RAB38: variants seen among roughly 807,000 people sequenced by gnomAD.
The protein encoded by RAB38 is RAB38, member RAS oncogene family, also known as ras-related protein Rab-38.
Under a neutral mutation model 18.4 loss-of-function variants are expected in RAB38, and 15 were observed. The observed-to-expected ratio is 0.82, with a 90% CI of 0.55 to 1.26. The LOEUF is 1.26. Ranked by LOEUF, RAB38 falls within the 50% of genes most tolerant of loss-of-function variation. RAB38 has a pLI of 0.00. For synonymous variants in RAB38, 101 were observed against 104.4 expected (o/e 0.97, Z 0.20); for missense variants, 294 against 267.4 (o/e 1.10, Z -0.69).
the RAB38 span, among the ~76,000 whole-genome samples, chr11:88,015,887 T>C: frequency 6.6e-6 from 1 of 152,156 alleles, no homozygotes; most frequent in Non-Finnish European, 1.5e-5. Context: ...GTTAAGACTT[T>C]AACACTGGCC....
intron 2 of RAB38, among the ~76,000 whole-genome samples, chr11:88,145,371 A>T (rs942154883): frequency 4.6e-5 from 7 of 151,818 alleles, no homozygotes; most frequent in African/African-American, 1.7e-4. Flanking sequence ...CTGGTCTCGA[A>T]CTCCTGACTT....
At chr11:88,128,326 T>C (rs1051843681) in intron 2 of RAB38, among the ~76,000 whole-genome samples, 1 of 152,242 alleles carries the variant, frequency 6.6e-6, no homozygotes, top group Non-Finnish European at 1.5e-5. Flanking sequence ...GTTAAACTTG[T>C]GGGAGAGCTG....
chr11:88,008,352 G>C, the RAB38 span, among the ~76,000 whole-genome samples: 1 of 151,870 alleles, frequency 6.6e-6, no homozygotes, highest in Non-Finnish European at 1.5e-5. Context: ...ATTCCGAGAG[G>C]GGAACAAAAA....
chr11:88,135,574 T>C (rs1942826032), intron 2 of RAB38, among the ~76,000 whole-genome samples: 1 of 152,232 alleles, frequency 6.6e-6, no homozygotes, highest in South Asian at 2.1e-4. Flanking sequence ...GGGTTTCAAC[T>C]ACTGTGGTAA....
chr11:88,012,010 G>A, the RAB38 span, among the ~76,000 whole-genome samples: 2 of 152,128 alleles, frequency 1.3e-5, no homozygotes, highest in African/African-American at 4.8e-5. Context: ...TCCTTAAGTT[G>A]TCTCAAACAG....
At chr11:88,170,356 G>A (rs1943296339) in intron 1 of RAB38, among the ~76,000 whole-genome samples, 1 of 152,174 alleles carries the variant, frequency 6.6e-6, no homozygotes, top group African/African-American at 2.4e-5. Context: ...GCCAAATTTA[G>A]CTCTTTCTAC....
At chr11:88,026,064 A>G in the RAB38 span, among the ~76,000 whole-genome samples, 1 of 152,032 alleles carries the variant, frequency 6.6e-6, no homozygotes. Context: ...TCCTGGGTTC[A>G]AGCTATTCTC....
chr11:88,070,976 G>A, the RAB38 span, among the ~76,000 whole-genome samples: 2 of 152,196 alleles, frequency 1.3e-5, no homozygotes, highest in Admixed American at 1.3e-4. Context: ...TAAAAGCCAA[G>A]CATGGGCTAA....
At chr11:88,088,080 C>T in the RAB38 span, among the ~76,000 whole-genome samples, 1 of 151,826 alleles carries the variant, frequency 6.6e-6, no homozygotes, top group Admixed American at 6.6e-5. Flanking sequence ...TCTAAGGGAC[C>T]AACAGTAGGA....
intron 1 of RAB38, chr11:88,166,634 G>A (rs1439774167): frequency 6.6e-6 from 1 of 151,948 alleles, no homozygotes; most frequent in Non-Finnish European, 1.5e-5. Context: ...TTTTAAAAAA[G>A]ATATAGTTTT....
At chr11:87,833,114 G>T in the RAB38 span, among the ~76,000 whole-genome samples, 1 of 152,066 alleles carries the variant, frequency 6.6e-6, no homozygotes, top group African/African-American at 2.4e-5. Flanking sequence ...TCACAGGGCA[G>T]CCAGAGTGAT....
the RAB38 span, among the ~76,000 whole-genome samples, chr11:88,017,719 ATATATTATATAT>A: frequency 6.9e-6 from 1 of 144,440 alleles, no homozygotes; most frequent in Non-Finnish European, 1.5e-5. Context: ...TATATATAAT[ATATATTATATAT>A]ATATATAATA....
the RAB38 span, among the ~76,000 whole-genome samples, chr11:87,869,975 C>A: frequency 1.1e-4 from 17 of 151,586 alleles, no homozygotes; most frequent in Admixed American, 1.1e-3. Context: ...TTTATAAAAC[C>A]CATTATAACT....
At chr11:87,958,808 C>T in the RAB38 span, among the ~76,000 whole-genome samples, 4 of 152,138 alleles carry the variant, frequency 2.6e-5, no homozygotes, top group Admixed American at 6.6e-5. Flanking sequence ...TTCTGCTCCA[C>T]CAGAGTAAGT....
the RAB38 span, among the ~76,000 whole-genome samples, chr11:87,834,811 G>C: frequency 6.6e-6 from 1 of 152,286 alleles, no homozygotes; most frequent in East Asian, 1.9e-4. Flanking sequence ...ACTAGTTGTG[G>C]TGAAGGGTTG....
At chr11:87,976,626 AAT>A in the RAB38 span, among the ~76,000 whole-genome samples, 3 of 37,390 alleles carry the variant, frequency 8.0e-5, no homozygotes, top group Admixed American at 3.3e-4. Flanking sequence ...ATGATATATA[AAT>A]ATATATGATT....
At chr11:87,841,674 T>C in the RAB38 span, among the ~76,000 whole-genome samples, 1 of 152,326 alleles carries the variant, frequency 6.6e-6, no homozygotes, top group Admixed American at 6.5e-5. Context: ...GAGTTTCAGA[T>C]ATCTGTGCCT....
At chr11:87,832,488 C>T in the RAB38 span, among the ~76,000 whole-genome samples, 1 of 152,160 alleles carries the variant, frequency 6.6e-6, no homozygotes, top group African/African-American at 2.4e-5. Context: ...CTTCTGAGCT[C>T]ATTGAGATTA....
At chr11:87,886,091 A>T in the RAB38 span, among the ~76,000 whole-genome samples, 1 of 151,852 alleles carries the variant, frequency 6.6e-6, no homozygotes, top group Non-Finnish European at 1.5e-5. Flanking sequence ...CAACTCCCAC[A>T]TCCTCACCAC....
Sources: allele counts gnomAD v4.1 joint callset (sites outside exome capture counted in the v4.1 genomes callset), GRCh38; gene constraint gnomAD v4.1.1; transcripts MANE v1.5; gene names NCBI Gene and HGNC (gene_info 2026-07-23, HGNC 2026-07-21).